The following ZFAT variants were observed in gnomAD, a reference collection of about 807,000 sequenced individuals.
The protein encoded by ZFAT is zinc finger protein ZFAT.
ZFAT carries 64 observed loss-of-function variants against 117.7 expected under a neutral mutation model. The observed-to-expected ratio is 0.54, with a 90% CI of 0.44 to 0.67. The LOEUF (loss-of-function observed/expected upper bound fraction) is 0.67. ZFAT is among the 30% of genes least tolerant of loss of function. The probability of loss-of-function intolerance (pLI) is 0.00; values close to 1 mark genes in which losing one functional copy is unlikely to be tolerated. For synonymous variants in ZFAT, 679 were observed against 615.0 expected, an observed-to-expected ratio of 1.10 and a Z score of -1.54; for missense variants, 1,433 against 1,584.5, an observed-to-expected ratio of 0.90 and a Z score of 1.62.
intron 1 of ZFAT, among the ~76,000 whole-genome samples, chr8:134,703,272 A>G (rs1221817231): frequency 1.3e-5 from 2 of 152,206 alleles, no homozygotes; most frequent in Non-Finnish European, 2.9e-5. Context: ...ATCTTTTCAT[A>G]CATTTATTGA....
chr8:134,552,860 T>G (rs1015664905), intron 11 of ZFAT, among the ~76,000 whole-genome samples: 3 of 152,264 alleles, frequency 2.0e-5, no homozygotes, highest in African/African-American at 7.2e-5. Context: ...CAGACCTGAA[T>G]TCCCTTTTTG....
chr8:134,638,549 C>CAAAAAAAAAAAAAAAAAAAAAAAAA (rs758050176), intron 2 of ZFAT, among the ~76,000 whole-genome samples: 2 of 101,128 alleles, frequency 2.0e-5, no homozygotes, highest in African/African-American at 3.7e-5. Context: ...ACTAAAAATA[C>CAAAAAAAAAAAAAAAAAAAAAAAAA]AAAAAAAAAA....
intron 1 of ZFAT, among the ~76,000 whole-genome samples, chr8:134,662,139 C>T (rs1296869556): frequency 6.6e-6 from 1 of 152,110 alleles, no homozygotes; most frequent in African/African-American, 2.4e-5. Flanking sequence ...ATAGCTGGTG[C>T]CTTCTTGCTG....
the ZFAT span, among the ~76,000 whole-genome samples, chr8:134,760,285 A>AC: frequency 0.064 from 8,905 of 138,442 alleles, 318 homozygotes; most frequent in Middle Eastern, 0.089. Context: ...AAAAAAAAAA[A>AC]AAACAAACAA....
intron 3 of ZFAT, among the ~76,000 whole-genome samples, chr8:134,612,809 G>A (rs1179080958): frequency 2.0e-5 from 3 of 152,218 alleles, no homozygotes; most frequent in Non-Finnish European, 4.4e-5. Flanking sequence ...ACCATCAGAC[G>A]TGTCCCTCCT....
the ZFAT span, chr8:134,764,807 G>C: frequency 6.6e-6 from 1 of 152,262 alleles, no homozygotes. Flanking sequence ...AGGCCTCACT[G>C]TTGCTTCAAG....
intron 1 of ZFAT, among the ~76,000 whole-genome samples, chr8:134,708,804 T>C (rs1446978473): frequency 6.6e-6 from 1 of 151,908 alleles, no homozygotes; most frequent in East Asian, 1.9e-4. Context: ...AGTACAAAAT[T>C]AGCGAGGCGT....
At chr8:134,540,307 C>T (rs927108446) in intron 11 of ZFAT, among the ~76,000 whole-genome samples, 2 of 152,238 alleles carry the variant, frequency 1.3e-5, no homozygotes, top group African/African-American at 4.8e-5. Context: ...TCCTCTCACA[C>T]ATCATCTCAG....
chr8:134,712,958 G>A lies in ZFAT; in HGVS notation c.-95C>T, dbSNP rs1365457517. ...GGGCGGGGCGCCCTGCTGACGCTTCGCTTTTTATTTTTATTTTTTTAAGAA... is the reference window on the plus strand; with the variant it reads ...GGGCGGGGCGCCCTGCTGACGCTTCACTTTTTATTTTTATTTTTTTAAGAA... On this transcript the variant is annotated 5_prime_UTR_variant, in exon 1 of 16. Coordinates refer to ENST00000377838, the MANE Select transcript of ZFAT (RefSeq NM_020863.4). 1.3e-5 allele frequency: 17 copies of A among 1,357,182 alleles called. No homozygotes were observed. The highest frequency in any genetic ancestry group is 1.6e-5 in the Non-Finnish European group (16 of 1,031,052). The allele number at this position is 1,357,182 out of a possible 1,614,324, so 84.1% of individuals were successfully genotyped here.
At chr8:134,695,933 G>A (rs1833816424) in intron 1 of ZFAT, among the ~76,000 whole-genome samples, 1 of 151,644 alleles carries the variant, frequency 6.6e-6, no homozygotes, top group Non-Finnish European at 1.5e-5. Context: ...CTGCCCCCAG[G>A]CCCTACCCGC....
intron 7 of ZFAT, chr8:134,599,628 T>C (rs1050527492): frequency 1.8e-5 from 7 of 386,938 alleles, no homozygotes; most frequent in Middle Eastern, 4.3e-4. Context: ...CAAACTGTTA[T>C]GATTTTTATG....
rs1213836856 is a variant in ZFAT at position 134,478,581 on chromosome 8, G to T, written c.3633C>A (p.Tyr1211Ter). The T allele has an allele frequency of 6.3e-7, 1 of 1,594,340 alleles. No homozygotes were observed. Among genetic ancestry groups the T allele is most frequent in the Admixed American group, 1.7e-5 (1 of 57,594 alleles). The change falls in exon 16 of 16, where the codon TAC becomes TAA. Residue 1211 changes from tyrosine to a stop codon, truncating the protein, a stop_gained. Coordinates refer to ENST00000377838, the MANE Select transcript of ZFAT (RefSeq NM_020863.4). LOFTEE classifies it high-confidence loss of function. The surrounding 1 kb of genome is among the most constrained non-coding windows in gnomAD (Gnocchi z 5.2). ...ACTCCGAGGCCTCCCCGCCCTGCGTGTAGACAGTCACCGTCTCAATGCCCT... is the reference window on the plus strand; with the variant it reads ...ACTCCGAGGCCTCCCCGCCCTGCGTTTAGACAGTCACCGTCTCAATGCCCT... ...DVEGIETVTV[Y>*]TQGGEASEFI...
At chr8:134,559,849 G>C (rs548179264) in intron 11 of ZFAT, among the ~76,000 whole-genome samples, 9 of 151,864 alleles carry the variant, frequency 5.9e-5, no homozygotes, top group South Asian at 4.2e-4. Flanking sequence ...TATATCCTTT[G>C]CCTATTTTTC....
At chr8:134,546,644 T>C (rs1422866260) in intron 11 of ZFAT, among the ~76,000 whole-genome samples, 1 of 152,210 alleles carries the variant, frequency 6.6e-6, no homozygotes, top group Non-Finnish European at 1.5e-5. Context: ...CCAGAACAGA[T>C]GCTTCTGAGA....
chr8:134,692,881 A>C (rs542689466), intron 1 of ZFAT, among the ~76,000 whole-genome samples: 2 of 152,348 alleles, frequency 1.3e-5, no homozygotes, highest in East Asian at 3.9e-4. Context: ...CAAATAAGTA[A>C]CTATATTATG....
In ZFAT at chr8:134,682,550, G is replaced by A. The variant is rs958300011; in HGVS notation, c.20-24813C>T. 5.3e-5 allele frequency among the ~76,000 whole-genome samples: 8 copies of A among 152,370 alleles called. No homozygotes were observed. In the East Asian group the frequency reaches 9.6e-4, roughly 18 times the overall value. On this transcript the variant is annotated intron_variant, in intron 1 of 15. Transcript: ENST00000377838. ...CCTGCCTGTGGTCACAGCTACTGGG[G>A]AGGCTGAGGTGAGAGGATCGCTTGA...
intron 3 of ZFAT, among the ~76,000 whole-genome samples, chr8:134,621,541 G>C (rs962003904): frequency 1.3e-5 from 2 of 152,062 alleles, no homozygotes; most frequent in African/African-American, 4.8e-5. Context: ...GCCCTTAGCT[G>C]AAGTCCCCTT....
the ZFAT span, among the ~76,000 whole-genome samples, chr8:134,733,749 G>T: frequency 6.6e-6 from 1 of 152,202 alleles, no homozygotes; most frequent in Non-Finnish European, 1.5e-5. Flanking sequence ...TCTCGTCCTT[G>T]GTAGGTCACC....
At chr8:134,658,337 C>CAAACAAAAAAAAAA (rs1831746012) in intron 1 of ZFAT, among the ~76,000 whole-genome samples, 1 of 117,964 alleles carries the variant, frequency 8.5e-6, no homozygotes, top group African/African-American at 3.5e-5. Flanking sequence ...ATTCTGTCTC[C>CAAACAAAAAAAAAA]AAAAAAAAAA....
Sources: allele counts gnomAD v4.1 joint callset (sites outside exome capture counted in the v4.1 genomes callset), GRCh38; gene constraint gnomAD v4.1.1; non-coding constraint Gnocchi (gnomAD v3.1); transcripts MANE v1.5; gene names NCBI Gene and HGNC (gene_info 2026-07-23, HGNC 2026-07-21).